TCL1A: variants seen among roughly 807,000 people sequenced by gnomAD.
The protein encoded by TCL1A is TCL1 family AKT coactivator A.
Under a neutral mutation model 16.9 loss-of-function variants are expected in TCL1A, and 9 were observed. The observed-to-expected ratio is 0.53, with a 90% CI of 0.32 to 0.93. The LOEUF is 0.93. Ranked by LOEUF, TCL1A falls within the 40% of genes least tolerant of loss-of-function variation. TCL1A has a pLI of 0.04. For synonymous variants in TCL1A, 69 were observed against 63.2 expected, an observed-to-expected ratio of 1.09 and a Z score of -0.44; for missense variants, 139 against 153.0, an observed-to-expected ratio of 0.91 and a Z score of 0.48.
chr14:95,712,917 G>T (rs956205490), intron 1 of TCL1A: 3 of 205,972 alleles, frequency 1.5e-5, no homozygotes, highest in African/African-American at 7.0e-5. Flanking sequence ...ATGAAAAACT[G>T]TCTGGTTCGT....
At chr14:95,713,201 A>T in intron 1 of TCL1A, among the ~76,000 whole-genome samples, 1 of 151,504 alleles carries the variant, frequency 6.6e-6, no homozygotes, top group South Asian at 2.1e-4. Context: ...GTAGAGACAC[A>T]GTCAACACTC....
chr14:95,713,481 A>G (rs1886438075), intron 1 of TCL1A, among the ~76,000 whole-genome samples: 1 of 152,320 alleles, frequency 6.6e-6, no homozygotes, highest in East Asian at 1.9e-4. Flanking sequence ...TTGTTTTCTA[A>G]ATAAAGCCCA....
chr14:95,713,127 C>G, intron 1 of TCL1A, among the ~76,000 whole-genome samples: 1 of 152,062 alleles, frequency 6.6e-6, no homozygotes, highest in Admixed American at 6.5e-5. Flanking sequence ...GAATTCCAAC[C>G]CCATTACCTA....
In TCL1A at chr14:95,711,495, A is replaced by T. The variant is rs1886352795; in HGVS notation, c.*6+254T>A. ...AAAAAAAAAAAAGCAATGGTAAATG[A>T]AAGTGCCAGCTGAAACTTGTGAAGT... is the stretch of plus-strand genomic sequence containing the variant. On this transcript the variant is annotated intron_variant, in intron 3 of 3. Coordinates refer to ENST00000402399, the MANE Select transcript of TCL1A (RefSeq NM_021966.3). The T allele has an allele frequency of 3.5e-5, 15 of 428,760 alleles. No homozygotes were observed. In the South Asian group the frequency reaches 6.4e-4, roughly 18 times the overall value. The allele number at this position is 428,760 out of a possible 1,614,324, so 26.6% of individuals were successfully genotyped here.
At chr14:95,713,509 T>G (rs534430219) in intron 1 of TCL1A, among the ~76,000 whole-genome samples, 1 of 152,200 alleles carries the variant, frequency 6.6e-6, no homozygotes, top group African/African-American at 2.4e-5. Context: ...TGGAAAATAC[T>G]TCACACTCTA....
chr14:95,713,682 G>A (rs1172630811), intron 1 of TCL1A, among the ~76,000 whole-genome samples: 1 of 152,180 alleles, frequency 6.6e-6, no homozygotes, highest in African/African-American at 2.4e-5. Context: ...CCCAGAAAAT[G>A]CCTGCTGTAG....
chr14:95,711,716 G>A (rs751644622), intron 3 of TCL1A, 33 bp downstream of exon 3: 1 of 1,610,384 alleles, frequency 6.2e-7, no homozygotes, highest in Non-Finnish European at 8.5e-7. Context: ...AGCCACTGTG[G>A]ACTAAGAGGG....
chr14:95,713,850 T>G (rs565790316), intron 1 of TCL1A, 97 bp downstream of exon 1: 5 of 1,551,048 alleles, frequency 3.2e-6, no homozygotes, highest in Admixed American at 1.8e-5. Context: ...CCCTGCCCCA[T>G]AGTGAGTGCT....
chr14:95,711,294 C>T (rs1470113281), intron 3 of TCL1A, among the ~76,000 whole-genome samples: 1 of 105,332 alleles, frequency 9.5e-6, no homozygotes, highest in Non-Finnish European at 1.8e-5. Flanking sequence ...CCCGTCTCTA[C>T]TAAAAAAAAA....
chr14:95,713,746 T>A (rs1886465223), intron 1 of TCL1A, among the ~76,000 whole-genome samples: 1 of 152,144 alleles, frequency 6.6e-6, no homozygotes, highest in African/African-American at 2.4e-5. Context: ...TGACCGACAT[T>A]CCTTTGCGGT....
chr14:95,711,551 G>A (rs1886354352), intron 3 of TCL1A, 198 bp downstream of exon 3: 2 of 578,466 alleles, frequency 3.5e-6, no homozygotes, highest in Non-Finnish European at 6.1e-6. Flanking sequence ...TGCGATAAAG[G>A]GGGCTGCCTA....
chr14:95,712,380 T>C lies in TCL1A; in HGVS notation c.137A>G (p.Gln46Arg), dbSNP rs771109532. The change falls in exon 2 of 4, where the codon CAG (glutamine) becomes CGG (arginine). Residue 46 changes from glutamine (Q) to arginine (R), a missense_variant. Physicochemically the swap from Gln to Arg is conservative, Grantham distance 43. Transcript: ENST00000402399. ...PLTIEIKDRL[Q>R]LRVLLRREDV... ...TTCCCGACGCAAGAGCACCCGTAAC[T>C]GTAACCTATCCTTTATCTGAGGAGA... 2.5e-6 allele frequency: 4 copies of C among 1,611,030 alleles called. No individual in the cohort carries two copies. The East Asian group carries it at 8.9e-5, about 36-fold the overall frequency.
rs951410707 is a variant in TCL1A, at chr14:95,712,204, G to C, written c.297+16C>G. 16 of 1,614,074 alleles carry C rather than the reference G, an allele frequency of 9.9e-6. No homozygotes were observed. The highest frequency in any genetic ancestry group is 1.3e-5 in the Non-Finnish European group (15 of 1,180,000). ...CCCAAGATCACCCGATGGACCTCTGGGAGAAAGACACTCACCTTGATGTGG... is the reference window on the plus strand; with the variant it reads ...CCCAAGATCACCCGATGGACCTCTGCGAGAAAGACACTCACCTTGATGTGG... On this transcript the variant is annotated intron_variant, in intron 2 of 3. Transcript: ENST00000402399.
intron 3 of TCL1A, among the ~76,000 whole-genome samples, chr14:95,711,131 A>C (rs1595065245): frequency 6.6e-6 from 1 of 152,132 alleles, no homozygotes; most frequent in African/African-American, 2.4e-5. Context: ...TATCTGGCTC[A>C]GCTGATATAA....
chr14:95,713,450 C>T (rs563514740), intron 1 of TCL1A, among the ~76,000 whole-genome samples: 4 of 152,288 alleles, frequency 2.6e-5, no homozygotes, highest in South Asian at 2.1e-4. Context: ...GGCGCTTATA[C>T]TACGACATCA....
Position 95,712,328 on chromosome 14 carries a change from G to C in TCL1A, c.189C>G (p.Thr63=), listed in dbSNP as rs1034319183. 1.2e-6 allele frequency: 2 copies of C among 1,614,112 alleles called. No individual in the cohort carries two copies. Among genetic ancestry groups the C allele is most frequent in the Non-Finnish European group, 8.5e-7 (1 of 1,180,012 alleles). ...GCAGGCTTGGGCCTATCTGGGTGGG[G>C]GTCATAGGCCTCCCCAGGACGACGT... ...REDVVLGRPM[T]PTQIGPSLLP... is the part of the protein sequence containing the mutation. Residue 63 remains threonine (T), a synonymous_variant, in exon 2 of 4, where the codon ACC becomes ACG. Coordinates refer to ENST00000402399, the MANE Select transcript of TCL1A (RefSeq NM_021966.3).
chr14:95,713,426 A>G (rs1211185940), intron 1 of TCL1A, among the ~76,000 whole-genome samples: 1 of 152,328 alleles, frequency 6.6e-6, no homozygotes, highest in South Asian at 2.1e-4. Flanking sequence ...AAAAGTCAAT[A>G]TTGATTCAAT....
In TCL1A at chr14:95,711,815, G is replaced by GAC; in HGVS notation, c.298-14_298-13insGT. The GAC allele has an allele frequency of 6.2e-7, 1 of 1,605,004 alleles. No individual in the cohort carries two copies. The highest frequency in any genetic ancestry group is 8.5e-7 in the Non-Finnish European group (1 of 1,177,036). Reference sequence around the variant, plus strand: ...CCACGCCGTCAATCTGAGAGGCAGAGAGAGAGAGAAGGCATTGATCGGCCA... The same window carrying GAC: ...CCACGCCGTCAATCTGAGAGGCAGAGACAGAGAGAGAAGGCATTGATCGGCCA... On this transcript the variant is annotated splice_polypyrimidine_tract_variant and intron_variant, in intron 2 of 3. Transcript: ENST00000402399.
rs372524587 is a variant in TCL1A, at chr14:95,713,936, G to A, written c.120+11C>T. 2 of 1,613,106 alleles carry A rather than the reference G, an allele frequency of 1.2e-6. No individual in the cohort carries two copies. Among genetic ancestry groups the A allele is most frequent in the African/African-American group, 1.3e-5 (1 of 75,062 alleles). On this transcript the variant is annotated intron_variant, in intron 1 of 3. Coordinates refer to ENST00000402399, the MANE Select transcript of TCL1A (RefSeq NM_021966.3). The stretch of plus-strand genomic sequence containing the variant: ...CTGCTGCCTCGCCATCCGCTCCAAA[G>A]CTGGCTGTACCTCGATGGTTAAGGG...
Sources: gnomAD v4.1 joint callset for allele counts (sites outside exome capture counted in the v4.1 genomes callset) on GRCh38, gnomAD v4.1.1 for gene constraint, MANE v1.5 for transcripts, NCBI Gene and HGNC (gene_info 2026-07-23, HGNC 2026-07-21) for gene names.